The following HECTD4 variants were observed in gnomAD, a reference collection of about 807,000 sequenced individuals.
HECTD4 encodes probable E3 ubiquitin-protein ligase HECTD4.
Under a neutral mutation model 471.5 loss-of-function variants are expected in HECTD4, and 114 were observed. The ratio of observed to expected loss-of-function variants is 0.24; its 90% CI spans 0.21 to 0.28. HECTD4 has a LOEUF of 0.28. HECTD4 is among the 10% of genes least tolerant of loss of function. HECTD4 has a pLI of 1.00. For synonymous variants in HECTD4, 2,012 were observed against 2,256.0 expected (o/e 0.89, Z 3.07); for missense variants, 3,866 against 5,651.5 (o/e 0.68, Z 10.13).
At position 112,236,553 on chromosome 12, in the gene HECTD4, G is replaced by A. The variant is rs2106970; in HGVS notation, c.5444+392C>T. On this transcript the variant is annotated intron_variant, in intron 35 of 75. Transcript: ENST00000682272. ...ACAGGGAGTATATAACCAGCACAGA[G>A]TATCTTCTTTTAAAGACACAGCATG... Among the ~76,000 whole-genome samples, 8,436 of 152,190 alleles carry A rather than the reference G, an allele frequency of 0.055. 1,292 individuals are homozygous for A. In the East Asian group the frequency reaches 0.61, roughly 11 times the overall value.
At chr12:112,238,701 C>T (rs2033572620) in intron 34 of HECTD4, among the ~76,000 whole-genome samples, 1 of 151,966 alleles carries the variant, frequency 6.6e-6, no homozygotes, top group South Asian at 2.1e-4. Context: ...CCACTGTACC[C>T]TAGCCTGGGT....
In HECTD4 at chr12:112,162,158, T is replaced by C; in HGVS notation, c.*229A>G. On this transcript the variant is annotated 3_prime_UTR_variant, in exon 76 of 76. Coordinates refer to ENST00000682272, the MANE Select transcript of HECTD4 (RefSeq NM_001388303.1). The surrounding 1 kb of genome is among the most constrained non-coding windows in gnomAD (Gnocchi z 5.2). ...CACAAACTGTCTGGGAACTAAACTA[T>C]CCTACAAATAGACCACAAACAGGCA... is the stretch of plus-strand genomic sequence containing the variant. The C allele has an allele frequency of 1.9e-6, 1 of 524,108 alleles. No homozygotes were observed. Among genetic ancestry groups the C allele is most frequent in the Non-Finnish European group, 3.4e-6 (1 of 293,700 alleles). 32.5% of individuals were successfully genotyped at this position (524,108 alleles called of 1,614,324 possible).
chr12:112,308,125 GTTA>G (rs1217804013), intron 6 of HECTD4, among the ~76,000 whole-genome samples: 13 of 152,194 alleles, frequency 8.5e-5, no homozygotes, highest in Non-Finnish European at 1.3e-4. Flanking sequence ...TACCATCATT[GTTA>G]TTATTATCAG....
intron 4 of HECTD4, 106 bp from the exon 5 acceptor site, chr12:112,309,775 AC>A (rs2035337357): frequency 1.8e-6 from 1 of 551,224 alleles, no homozygotes; most frequent in African/African-American, 1.9e-5. Context: ...GTGAAAGATT[AC>A]TTCTCACTTC....
chr12:112,358,181 T>A (rs7978774), intron 1 of HECTD4, among the ~76,000 whole-genome samples: 3 of 152,128 alleles, frequency 2.0e-5, no homozygotes, highest in Non-Finnish European at 4.4e-5. Context: ...TTCAGCCTGG[T>A]GATAGAGCAA....
rs200515835 is a variant in HECTD4, at chr12:112,210,240, G to A, written c.7642C>T (p.Arg2548Ter). The A allele has an allele frequency of 1.9e-6, 3 of 1,613,698 alleles. No homozygotes were observed. Among genetic ancestry groups the A allele is most frequent in the Non-Finnish European group, 2.5e-6 (3 of 1,179,710 alleles). The change falls in exon 50 of 76, where the codon CGA (arginine) becomes TGA (stop). Residue 2548 changes from arginine to a stop codon, truncating the protein, a stop_gained. Coordinates refer to ENST00000682272, the MANE Select transcript of HECTD4 (RefSeq NM_001388303.1). LOFTEE classifies it high-confidence loss of function. ...VHIQKKNTKT[R>*]ANFGSRPFAY... ...AACGGCCGGGAGCCAAAGTTAGCTCGGGTTTTGGTGTTCTGGAAAGGAGAC... is the reference window on the plus strand; with the variant it reads ...AACGGCCGGGAGCCAAAGTTAGCTCAGGTTTTGGTGTTCTGGAAAGGAGAC...
chr12:112,213,754 G>T lies in HECTD4; in HGVS notation c.7466-1104C>A, dbSNP rs1424774707. Among the ~76,000 whole-genome samples the T allele has an allele frequency of 6.7e-6, 1 of 148,882 alleles. No homozygotes were observed. The highest frequency in any genetic ancestry group is 1.5e-5 in the Non-Finnish European group (1 of 67,472). ...ATAAAATTTAAGGCCAGACATGATG[G>T]TTCATGCCTGTAATCCCAGCATTTT... On this transcript the variant is annotated intron_variant, in intron 48 of 75. Coordinates refer to ENST00000682272, the MANE Select transcript of HECTD4 (RefSeq NM_001388303.1). The surrounding 1 kb of genome is among the most constrained non-coding windows in gnomAD (Gnocchi z 4.0).
chr12:112,192,896 G>T (rs970218257), intron 58 of HECTD4, 131 bp from the exon 59 acceptor site: 6 of 1,205,000 alleles, frequency 5.0e-6, no homozygotes, highest in Non-Finnish European at 7.0e-6. Context: ...ACTTTGGAAG[G>T]TCATTCTTTA....
intron 60 of HECTD4, among the ~76,000 whole-genome samples, chr12:112,189,538 G>A (rs2032002447): frequency 3.6e-5 from 4 of 110,642 alleles, no homozygotes; most frequent in Admixed American, 3.5e-4. Flanking sequence ...GCGACAGAGC[G>A]AGACTCCGTC....
chr12:112,332,007 T>C (rs1489374385), intron 1 of HECTD4, among the ~76,000 whole-genome samples: 1 of 151,924 alleles, frequency 6.6e-6, no homozygotes, highest in Non-Finnish European at 1.5e-5. Flanking sequence ...TCATGTCACA[T>C]GAAAAATGGT....
At chr12:112,293,328 G>A (rs2034934894) in intron 7 of HECTD4, among the ~76,000 whole-genome samples, 1 of 146,524 alleles carries the variant, frequency 6.8e-6, no homozygotes, top group African/African-American at 2.6e-5. Context: ...TCGCACCATT[G>A]CACTCCAGCC....
chr12:112,258,440 G>T (rs1192572839), intron 20 of HECTD4, 56 bp downstream of exon 20: 1 of 1,252,928 alleles, frequency 8.0e-7, no homozygotes, highest in Non-Finnish European at 1.1e-6. Context: ...GGAGTACTAC[G>T]CTTTCACCCA....
rs2034009280 is a variant in HECTD4 at position 112,256,359 on chromosome 12, T to C, written c.3288A>G (p.Arg1096=). 1 of 1,608,382 alleles carries C rather than the reference T, an allele frequency of 6.2e-7. No individual in the cohort carries two copies. The highest frequency in any genetic ancestry group is 8.5e-7 in the Non-Finnish European group (1 of 1,177,762). The change falls in exon 21 of 76, where the codon AGA becomes AGG. Residue 1096 remains arginine, a synonymous_variant. Transcript: ENST00000682272. ...ATTGCGAAGAGCATCTGCTATCAAA[T>C]CTAAGGTACAGGCAGCGAGCTCCTG... The part of the protein sequence containing the change: ...HIPGARCLYL[R]FDSRCSSQYD...
At position 112,239,822 on chromosome 12, in the gene HECTD4, A is replaced by G; in HGVS notation, c.5105+59T>C. 6.9e-7 allele frequency: 1 copy of G among 1,440,150 alleles called. No individual in the cohort carries two copies. The highest frequency in any genetic ancestry group is 9.3e-7 in the Non-Finnish European group (1 of 1,070,098). 89.2% of individuals were successfully genotyped at this position (1,440,150 alleles called of 1,614,324 possible). A position where few individuals can be genotyped will look rare whatever the true frequency, so the allele number is the denominator to read the frequency against. On this transcript the variant is annotated intron_variant, in intron 33 of 75. Coordinates refer to ENST00000682272, the MANE Select transcript of HECTD4 (RefSeq NM_001388303.1). The surrounding 1 kb of genome is among the most constrained non-coding windows in gnomAD (Gnocchi z 4.9). ...AATTTTTAAAATTAAAAATACTTTCACTTAATCGACTATACTGCAGGGTAA... is the reference window on the plus strand; with the variant it reads ...AATTTTTAAAATTAAAAATACTTTCGCTTAATCGACTATACTGCAGGGTAA...
At chr12:112,247,099 A>G in intron 28 of HECTD4, 23 bp from the exon 29 acceptor site, 4 of 1,562,586 alleles carry the variant, frequency 2.6e-6, no homozygotes, top group Non-Finnish European at 3.5e-6. Flanking sequence ...ACTGATGTGC[A>G]TTGAGTTGTT....
chr12:112,369,642 C>A (rs2036631566), intron 1 of HECTD4, among the ~76,000 whole-genome samples: 1 of 152,068 alleles, frequency 6.6e-6, no homozygotes, highest in South Asian at 2.1e-4. Context: ...CCTCACCCAG[C>A]CAAATTAAGC....
At chr12:112,287,474 C>T (rs903089289) in intron 7 of HECTD4, among the ~76,000 whole-genome samples, 1 of 152,002 alleles carries the variant, frequency 6.6e-6, no homozygotes, top group Non-Finnish European at 1.5e-5. Flanking sequence ...ATTGACAATA[C>T]CTTTAGGAAG....
intron 7 of HECTD4, among the ~76,000 whole-genome samples, chr12:112,305,369 T>C (rs1205353526): frequency 2.0e-5 from 3 of 152,160 alleles, no homozygotes; most frequent in Non-Finnish European, 4.4e-5. Context: ...CCCTAAAACA[T>C]GCTGCCTCCT....
At position 112,193,297 on chromosome 12, in the gene HECTD4, C is replaced by T. The variant is rs1566067527; in HGVS notation, c.8956-106G>A. 1 of 1,443,110 alleles carries T rather than the reference C, an allele frequency of 6.9e-7. No homozygotes were observed. The highest frequency in any genetic ancestry group is 2.4e-5 in the East Asian group (1 of 41,068). The allele number at this position is 1,443,110 out of a possible 1,614,324, so 89.4% of individuals were successfully genotyped here. A position where few individuals can be genotyped will look rare whatever the true frequency, so the allele number is the denominator to read the frequency against. ...GAAATCAGCCAAACGACTAAATAGC[C>T]CTCTGGAAGGAAGCAAGCTACAGAT... On this transcript the variant is annotated intron_variant, in intron 57 of 75. Transcript: ENST00000682272. The surrounding 1 kb of genome is among the most constrained non-coding windows in gnomAD (Gnocchi z 5.2).
Sources: gnomAD v4.1 joint callset for allele counts (sites outside exome capture counted in the v4.1 genomes callset) on GRCh38, gnomAD v4.1.1 for gene constraint, Gnocchi (gnomAD v3.1) non-coding constraint, MANE v1.5 for transcripts, NCBI Gene and HGNC (gene_info 2026-07-23, HGNC 2026-07-21) for gene names.